Variants in FGF14 observed in about 807,000 individuals in gnomAD.
FGF14 encodes fibroblast growth factor 14.
FGF14 carries 5 observed loss-of-function variants against 25.5 expected under a neutral mutation model. The observed-to-expected ratio is 0.20, with a 90% CI of 0.10 to 0.41. The LOEUF is 0.41. FGF14 is among the 10% of genes least tolerant of loss of function. The pLI is 1.00. For missense variants in FGF14, 222 were observed against 320.1 expected, an observed-to-expected ratio of 0.69 and a Z score of 2.34; for synonymous variants, 138 against 118.3, an observed-to-expected ratio of 1.17 and a Z score of -1.08.
At chr13:102,258,811 T>C (rs2052574938) in intron 1 of FGF14, among the ~76,000 whole-genome samples, 1 of 152,068 alleles carries the variant, frequency 6.6e-6, no homozygotes, top group Non-Finnish European at 1.5e-5. Flanking sequence ...AATGTCAGGA[T>C]CTCTTAAGTA....
intron 1 of FGF14, among the ~76,000 whole-genome samples, chr13:101,892,338 T>A (rs1434230816): frequency 6.6e-6 from 1 of 152,030 alleles, no homozygotes; most frequent in African/African-American, 2.4e-5. Context: ...AACAAAAAAA[T>A]AGGCCTCATC....
intron 1 of FGF14, among the ~76,000 whole-genome samples, chr13:101,896,150 TTTC>T (rs893387587): frequency 1.3e-5 from 2 of 152,180 alleles, no homozygotes; most frequent in Non-Finnish European, 2.9e-5. Context: ...CTCCCTTCCC[TTTC>T]TTTTTACTAT....
chr13:101,775,541 A>G (rs2039055032), intron 3 of FGF14, among the ~76,000 whole-genome samples: 2 of 151,982 alleles, frequency 1.3e-5, no homozygotes, highest in African/African-American at 4.8e-5. Flanking sequence ...TGTGTGTGTT[A>G]GAGTTGCCAA....
chr13:101,867,863 GC>G (rs773588572), intron 3 of FGF14, among the ~76,000 whole-genome samples: 4 of 148,566 alleles, frequency 2.7e-5, no homozygotes, highest in Admixed American at 6.8e-5. Flanking sequence ...TTTCTGGGAG[GC>G]CCCCTGGAGA....
In FGF14 at chr13:101,799,573, GC is replaced by G. The variant is rs1255249391; in HGVS notation, c.408+69151del. 1.2e-4 allele frequency among the ~76,000 whole-genome samples: 19 copies of G among 152,232 alleles called. No individual in the cohort carries two copies. In the East Asian group the frequency reaches 3.3e-3, roughly 26 times the overall value. On this transcript the variant is annotated intron_variant, in intron 3 of 4. Transcript: ENST00000376143. The stretch of plus-strand genomic sequence containing the variant: ...GTGGCAATGACAGAAACAGTGAGCA[GC>G]CGATCATTTGGGGGAAATTGATAAA...
chr13:102,049,266 C>A (rs2042117766), intron 1 of FGF14, among the ~76,000 whole-genome samples: 1 of 152,192 alleles, frequency 6.6e-6, no homozygotes, highest in South Asian at 2.1e-4. Flanking sequence ...TTTACCTCTA[C>A]ATTCTGAGTT....
intron 1 of FGF14, among the ~76,000 whole-genome samples, chr13:102,161,612 A>AG (rs1566764407): frequency 1.2e-3 from 7 of 5,694 alleles, no homozygotes; most frequent in Non-Finnish European, 1.9e-3. Flanking sequence ...AAGAAGAAGA[A>AG]GAAGAAGAAG....
In FGF14 at chr13:102,025,035, AATTAT is replaced by A. The variant is rs146949134; in HGVS notation, c.209-149744_209-149740del. Reference sequence around the variant, plus strand: ...GACATGCATATATATATATTCATATAATTATATTATATATATGTCTACTCTTATGC... The same window carrying A: ...GACATGCATATATATATATTCATATAATTATATATATGTCTACTCTTATGC... On this transcript the variant is annotated intron_variant, in intron 1 of 4. Transcript: ENST00000376131. Among the ~76,000 whole-genome samples the A allele has an allele frequency of 2.8e-4, 42 of 151,454 alleles. 2 individuals carry two copies. In the East Asian group the frequency reaches 7.4e-3, roughly 27 times the overall value.
intron 1 of FGF14, among the ~76,000 whole-genome samples, chr13:101,895,482 TG>T (rs2138931900): frequency 6.6e-6 from 1 of 152,274 alleles, no homozygotes; most frequent in Non-Finnish European, 1.5e-5. Flanking sequence ...TAAAAATACT[TG>T]TTCTTATTCT....
At chr13:102,200,802 T>C (rs957491739) in intron 1 of FGF14, among the ~76,000 whole-genome samples, 7 of 151,958 alleles carry the variant, frequency 4.6e-5, no homozygotes, top group African/African-American at 1.7e-4. Flanking sequence ...CTTGAAGATG[T>C]GGGCAGATAT....
At position 101,965,460 on chromosome 13, in the gene FGF14, T is replaced by TA. The variant is rs536795307; in HGVS notation, c.209-90165dup. Among the ~76,000 whole-genome samples the TA allele has an allele frequency of 2.9e-3, 442 of 152,078 alleles. 1 individual carries two copies. Among genetic ancestry groups the TA allele is most frequent in the Non-Finnish European group, 5.5e-3 (372 of 67,978 alleles). ...GTCAAATTTGACCAAACATCAAATATAAAAAAAATTCTTATCTGACTTGGA... is the reference window on the plus strand; with the variant it reads ...GTCAAATTTGACCAAACATCAAATATAAAAAAAAATTCTTATCTGACTTGGA... On this transcript the variant is annotated intron_variant, in intron 1 of 4. Transcript: ENST00000376131.
At chr13:102,343,474 G>A (rs2057014609) in intron 1 of FGF14, among the ~76,000 whole-genome samples, 2 of 152,150 alleles carry the variant, frequency 1.3e-5, no homozygotes, top group Admixed American at 6.5e-5. Flanking sequence ...GCTCAAGCAG[G>A]ACCTAGTCTG....
chr13:102,331,176 A>G (rs1220802978), intron 1 of FGF14, among the ~76,000 whole-genome samples: 1 of 152,228 alleles, frequency 6.6e-6, no homozygotes, highest in African/African-American at 2.4e-5. Context: ...TGGGACACAG[A>G]AAACAACCAA....
In FGF14 at chr13:102,088,372, G is replaced by GA. The variant is rs1257924243; in HGVS notation, c.209-213077dup. Among the ~76,000 whole-genome samples, 6 of 152,170 alleles carry GA rather than the reference G, an allele frequency of 3.9e-5. No homozygotes were observed. The East Asian group carries it at 1.2e-3, about 29-fold the overall frequency. ...AGAGAATTACTTATTTTATATTAAT[G>GA]AAAATGAATCTTAAAGTGTGGCACA... On this transcript the variant is annotated intron_variant, in intron 1 of 4. Coordinates refer to the FGF14 transcript ENST00000376131.
chr13:101,962,736 C>T (rs12431379), intron 1 of FGF14, among the ~76,000 whole-genome samples: 15,929 of 152,086 alleles, frequency 0.1, 961 homozygotes, highest in Admixed American at 0.2. Flanking sequence ...CAGTTGTATG[C>T]AACATGTTTA....
intron 3 of FGF14, among the ~76,000 whole-genome samples, chr13:101,785,007 A>C (rs2039720800): frequency 6.6e-6 from 1 of 152,194 alleles, no homozygotes; most frequent in Non-Finnish European, 1.5e-5. Context: ...ACTGTTCCAC[A>C]TGAAGAGGAA....
At chr13:102,042,019 T>A (rs2041767527) in intron 1 of FGF14, among the ~76,000 whole-genome samples, 1 of 152,198 alleles carries the variant, frequency 6.6e-6, no homozygotes, top group Non-Finnish European at 1.5e-5. Flanking sequence ...CACAACAAAA[T>A]GTTTGGTAAC....
At chr13:101,945,135 A>G (rs1435823458) in intron 1 of FGF14, among the ~76,000 whole-genome samples, 3 of 152,124 alleles carry the variant, frequency 2.0e-5, no homozygotes, top group Admixed American at 6.5e-5. Context: ...CGTGACCAAC[A>G]TGGAGAAACC....
intron 1 of FGF14, among the ~76,000 whole-genome samples, chr13:102,302,348 C>T (rs1000191288): frequency 2.0e-5 from 3 of 152,070 alleles, no homozygotes; most frequent in Non-Finnish European, 4.4e-5. Context: ...AGGAATCATG[C>T]TTGCTCATTC....
Sources: gnomAD v4.1 joint callset for allele counts (sites outside exome capture counted in the v4.1 genomes callset) on GRCh38, gnomAD v4.1.1 for gene constraint, MANE v1.5 for transcripts, NCBI Gene and HGNC (gene_info 2026-07-23, HGNC 2026-07-21) for gene names.